Variants in VPS35L observed in about 807,000 individuals in gnomAD.
VPS35L encodes the protein VPS35 endosomal protein sorting factor like.
In VPS35L, 83 loss-of-function variants were observed where a neutral mutation model predicts 133.0. The ratio of observed to expected loss-of-function variants is 0.62; its 90% CI spans 0.52 to 0.75. The LOEUF (loss-of-function observed/expected upper bound fraction) is 0.75, where lower values mean the gene tolerates loss of function less well. Ranked by LOEUF, VPS35L falls within the 30% of genes least tolerant of loss-of-function variation. VPS35L has a pLI of 0.00. For missense variants in VPS35L, 1,083 were observed against 1,206.8 expected (o/e 0.90, Z 1.52); for synonymous variants, 423 against 449.9 (o/e 0.94, Z 0.76).
intron 8 of VPS35L, among the ~76,000 whole-genome samples, chr16:19,593,426 T>G (rs2151530020): frequency 6.6e-6 from 1 of 152,356 alleles, no homozygotes; most frequent in African/African-American, 2.4e-5. Context: ...ACTATCAATC[T>G]GAGAGACTCA....
chr16:19,693,508 C>T (rs1016810828), intron 29 of VPS35L, among the ~76,000 whole-genome samples: 3 of 151,972 alleles, frequency 2.0e-5, no homozygotes, highest in Non-Finnish European at 2.9e-5. Context: ...AGGCCAGGTA[C>T]GGTGACTCAC....
chr16:19,626,276 AT>A, intron 15 of VPS35L, 53 bp downstream of exon 15: 1 of 1,375,996 alleles, frequency 7.3e-7, no homozygotes, highest in Admixed American at 1.8e-5. Flanking sequence ...GTTGGCTGCT[AT>A]TTTTGAGCTT....
chr16:19,591,489 G>A (rs971503000), intron 7 of VPS35L, among the ~76,000 whole-genome samples: 3 of 151,962 alleles, frequency 2.0e-5, no homozygotes, highest in African/African-American at 4.8e-5. Context: ...GCTGAGGTGG[G>A]AGGATCACTT....
chr16:19,660,889 T>A (rs1974460627), intron 26 of VPS35L, among the ~76,000 whole-genome samples: 1 of 152,190 alleles, frequency 6.6e-6, no homozygotes, highest in African/African-American at 2.4e-5. Flanking sequence ...AGCCCTGAGA[T>A]AAAAGTCTCC....
At chr16:19,655,654 TG>T (rs761035193) in intron 26 of VPS35L, among the ~76,000 whole-genome samples, 70 of 152,190 alleles carry the variant, frequency 4.6e-4, no homozygotes, top group Non-Finnish European at 8.2e-4. Flanking sequence ...TCTGTTCCTT[TG>T]TACACACCGG....
At chr16:19,637,548 A>C in intron 19 of VPS35L, 46 bp from the exon 20 acceptor site, 4 of 1,387,452 alleles carry the variant, frequency 2.9e-6, no homozygotes, top group Non-Finnish European at 3.9e-6. Context: ...GAAATTTTTA[A>C]AAATTAAGTT....
rs551021413 is a variant in VPS35L at position 19,568,305 on chromosome 16, C to G, written c.118-1119C>G. ...CTGGAAGCTCTTCAAACCGCCCCCC[C>G]CTTTTTTTTTTTTGAGACAGGGTCT... On this transcript the variant is annotated intron_variant, in intron 2 of 30. Transcript: ENST00000417362. Among the ~76,000 whole-genome samples the G allele has an allele frequency of 1.6e-4, 24 of 151,868 alleles. No homozygotes were observed. The East Asian group carries it at 3.3e-3, about 21-fold the overall frequency.
At chr16:19,602,367 AC>A (rs1972411811) in intron 9 of VPS35L, among the ~76,000 whole-genome samples, 1 of 152,140 alleles carries the variant, frequency 6.6e-6, no homozygotes, top group Non-Finnish European at 1.5e-5. Context: ...AGCTAGAGCA[AC>A]CAGCTTGCTC....
intron 18 of VPS35L, 110 bp downstream of exon 18, chr16:19,629,930 G>C (rs999578883): frequency 1.0e-6 from 1 of 969,736 alleles, no homozygotes; most frequent in Non-Finnish European, 1.6e-6. Flanking sequence ...ACTTGCTCTT[G>C]TAATTTATAA....
At chr16:19,666,912 CTTTCTTT>C (rs1974693685) in intron 26 of VPS35L, among the ~76,000 whole-genome samples, 3 of 101,752 alleles carry the variant, frequency 2.9e-5, no homozygotes, top group African/African-American at 8.6e-5. Context: ...TTCTTTCTTT[CTTTCTTT>C]CTTTCTTTCT....
rs776045526 is a variant in VPS35L at position 19,609,042 on chromosome 16, C to A, written c.929+21C>A. The A allele has an allele frequency of 1.9e-6, 3 of 1,607,054 alleles. No individual in the cohort carries two copies. The South Asian group carries it at 3.3e-5, about 18-fold the overall frequency. ...AAAACGTAAGGCTCTTCGGTAAAAT[C>A]TAGAACCATAAAATTTCTAAAAATC... is the stretch of plus-strand genomic sequence containing the variant. On this transcript the variant is annotated intron_variant, in intron 11 of 30. Transcript: ENST00000417362.
At chr16:19,655,989 G>A (rs376773220) in intron 26 of VPS35L, among the ~76,000 whole-genome samples, 19 of 152,094 alleles carry the variant, frequency 1.2e-4, no homozygotes, top group African/African-American at 4.1e-4. Flanking sequence ...CGGGCTAGGC[G>A]TGGTGGCTTA....
At chr16:19,573,277 G>A (rs1050421133) in intron 4 of VPS35L, 36 bp downstream of exon 4, 1 of 1,587,006 alleles carries the variant, frequency 6.3e-7, no homozygotes, top group African/African-American at 1.4e-5. Flanking sequence ...AGTCTACTTT[G>A]GAGTTAGTAG....
At chr16:19,605,966 G>A (rs1457910114) in intron 9 of VPS35L, among the ~76,000 whole-genome samples, 1 of 152,150 alleles carries the variant, frequency 6.6e-6, no homozygotes, top group Non-Finnish European at 1.5e-5. Context: ...TTTGTGTTGA[G>A]CACATGAAGT....
intron 9 of VPS35L, chr16:19,607,820 G>A: frequency 5.5e-6 from 1 of 183,328 alleles, no homozygotes; most frequent in Non-Finnish European, 1.1e-5. Flanking sequence ...AGAGTGCCTG[G>A]GTTGAATTCT....
chr16:19,646,667 G>GA (rs67569709), intron 23 of VPS35L, among the ~76,000 whole-genome samples: 46,303 of 143,690 alleles, frequency 0.32, 7,338 homozygotes, highest in East Asian at 0.34. Flanking sequence ...TCTGTCTTGG[G>GA]AAAAAAAAAA....
chr16:19,691,064 T>C (rs546733119), intron 28 of VPS35L, among the ~76,000 whole-genome samples: 1 of 152,300 alleles, frequency 6.6e-6, no homozygotes, highest in South Asian at 2.1e-4. Context: ...GCCTGGCAGC[T>C]GCTGTGATGA....
intron 12 of VPS35L, chr16:19,611,706 G>T (rs1303422871): frequency 6.6e-6 from 1 of 151,930 alleles, no homozygotes; most frequent in Non-Finnish European, 1.5e-5. Flanking sequence ...TCGTTTAAGG[G>T]CATCCTCTTC....
intron 27 of VPS35L, among the ~76,000 whole-genome samples, 171 bp from the exon 28 acceptor site, chr16:19,682,054 C>T (rs1163326432): frequency 6.6e-6 from 1 of 152,140 alleles, no homozygotes; most frequent in East Asian, 1.9e-4. Context: ...TTGTCATTTT[C>T]CTCTGTATTG....
Sources: gnomAD v4.1 joint callset for allele counts (sites outside exome capture counted in the v4.1 genomes callset) on GRCh38, gnomAD v4.1.1 for gene constraint, MANE v1.5 for transcripts, NCBI Gene and HGNC (gene_info 2026-07-23, HGNC 2026-07-21) for gene names.